ADAD1: variants seen among roughly 807,000 people sequenced by gnomAD.
ADAD1 encodes adenosine deaminase domain-containing protein 1.
In ADAD1, 46 loss-of-function variants were observed where a neutral mutation model predicts 66.8. The observed-to-expected ratio is 0.69, with a 90% CI of 0.54 to 0.88. The LOEUF (loss-of-function observed/expected upper bound fraction) is 0.88. ADAD1 is among the 40% of genes least tolerant of loss of function. ADAD1 has a pLI of 0.00. For synonymous variants in ADAD1, 248 were observed against 229.4 expected (o/e 1.08, Z -0.73); for missense variants, 617 against 681.8 (o/e 0.91, Z 1.06).
intron 7 of ADAD1, among the ~76,000 whole-genome samples, chr4:122,401,500 TCTG>T (rs1407894572): frequency 3.9e-5 from 6 of 152,284 alleles, no homozygotes; most frequent in Middle Eastern, 3.4e-3. Context: ...TCTGTAAATA[TCTG>T]CTAAGTTCAT....
intron 7 of ADAD1, among the ~76,000 whole-genome samples, chr4:122,400,647 T>G (rs564798077): frequency 1.3e-5 from 2 of 152,044 alleles, no homozygotes; most frequent in Non-Finnish European, 2.9e-5. Flanking sequence ...ACTTTTTTGT[T>G]GGGATTTTTT....
chr4:122,414,275 TG>T (rs35990460), intron 10 of ADAD1, among the ~76,000 whole-genome samples: 5,446 of 93,224 alleles, frequency 0.058, 444 homozygotes, highest in East Asian at 0.27. Flanking sequence ...TCTTTTTTTT[TG>T]GGGGGGGGGG....
chr4:122,427,678 G>A (rs207465029), intron 12 of ADAD1, among the ~76,000 whole-genome samples: 2 of 151,660 alleles, frequency 1.3e-5, no homozygotes, highest in South Asian at 4.2e-4. Context: ...GGCATTACAG[G>A]CACCCGCCAC....
At position 122,412,786 on chromosome 4, in the gene ADAD1, T is replaced by C; in HGVS notation, c.1226T>C (p.Val409Ala). 6.2e-7 allele frequency: 1 copy of C among 1,613,788 alleles called. No homozygotes were observed. Among genetic ancestry groups the C allele is most frequent in the African/African-American group, 1.3e-5 (1 of 75,060 alleles). ...GALLSHFIQP[V>A]YISSILIGDG... is the part of the protein sequence containing the mutation. ...TTGCTGAGTCATTTTATACAGCCAGTTTACATCAGCAGTATACTTATTGGT... is the reference window on the plus strand; with the variant it reads ...TTGCTGAGTCATTTTATACAGCCAGCTTACATCAGCAGTATACTTATTGGT... Residue 409 changes from valine to alanine, a missense_variant, in exon 10 of 13, where the codon GTT becomes GCT. Val to Ala is a moderately conservative substitution (Grantham distance 64, BLOSUM62 0). Coordinates refer to ENST00000296513, the MANE Select transcript of ADAD1 (RefSeq NM_139243.4).
chr4:122,417,749 T>G (rs1310524264), intron 11 of ADAD1, among the ~76,000 whole-genome samples: 1 of 152,220 alleles, frequency 6.6e-6, no homozygotes, highest in Non-Finnish European at 1.5e-5. Flanking sequence ...GCTGACTGTG[T>G]GTTAAACGAC....
chr4:122,397,748 T>C (rs1272651760), intron 7 of ADAD1, among the ~76,000 whole-genome samples: 1 of 152,084 alleles, frequency 6.6e-6, no homozygotes, highest in Non-Finnish European at 1.5e-5. Context: ...GTGACATGAA[T>C]AAAAAGTAAT....
At chr4:122,379,814 C>G in intron 2 of ADAD1, 1 of 386,138 alleles carries the variant, frequency 2.6e-6, no homozygotes, top group Non-Finnish European at 4.6e-6. Context: ...TTACAGGGAC[C>G]TCTCTCTGTT....
intron 11 of ADAD1, among the ~76,000 whole-genome samples, chr4:122,420,044 TGA>T (rs1019758970): frequency 1.3e-5 from 2 of 152,038 alleles, no homozygotes; most frequent in Admixed American, 6.6e-5. Flanking sequence ...ACAAGGGAAA[TGA>T]GAGAGAGAAA....
At chr4:122,420,004 G>A (rs7684187) in intron 11 of ADAD1, among the ~76,000 whole-genome samples, 115,111 of 152,090 alleles carry the variant, frequency 0.76, 43,739 homozygotes, top group East Asian at 0.86. Flanking sequence ...CTGTTACTCA[G>A]CATTTTACTG....
At chr4:122,381,499 T>C (rs2150525754) in intron 4 of ADAD1, among the ~76,000 whole-genome samples, 1 of 152,336 alleles carries the variant, frequency 6.6e-6, no homozygotes, top group East Asian at 1.9e-4. Flanking sequence ...GTTAAATATT[T>C]GGACTATGAT....
At chr4:122,408,105 C>T (rs1796299831) in intron 8 of ADAD1, 74 bp downstream of exon 8, 7 of 1,426,396 alleles carry the variant, frequency 4.9e-6, no homozygotes. Context: ...TAAATGTCTT[C>T]ATTTACAAAT....
intron 5 of ADAD1, 107 bp from the exon 6 acceptor site, chr4:122,393,482 C>CG (rs1795551191): frequency 3.1e-6 from 3 of 953,834 alleles, no homozygotes; most frequent in East Asian, 2.7e-5. Flanking sequence ...GGCAAAAATA[C>CG]GGAAAAAAAA....
rs79828960 is a variant in ADAD1 at position 122,418,752 on chromosome 4, G to A, written c.1488-2509G>A. Among the ~76,000 whole-genome samples, 21 of 152,250 alleles carry A rather than the reference G, an allele frequency of 1.4e-4. No homozygotes were observed. The East Asian group carries it at 4.1e-3, about 29-fold the overall frequency. On this transcript the variant is annotated intron_variant, in intron 11 of 12. Transcript: ENST00000296513. ...CCACTGCTATCCAAAAAGATGGAAAGCATCCAAATACTTTTATGAAACAAG... is the reference window on the plus strand; with the variant it reads ...CCACTGCTATCCAAAAAGATGGAAAACATCCAAATACTTTTATGAAACAAG...
chr4:122,418,140 A>G (rs920598191), intron 11 of ADAD1, among the ~76,000 whole-genome samples: 3 of 152,090 alleles, frequency 2.0e-5, no homozygotes, highest in Non-Finnish European at 4.4e-5. Flanking sequence ...CATATAAAAT[A>G]ATAGATAAGG....
At chr4:122,416,054 C>A (rs1038302225) in intron 11 of ADAD1, among the ~76,000 whole-genome samples, 1 of 151,882 alleles carries the variant, frequency 6.6e-6, no homozygotes, top group Non-Finnish European at 1.5e-5. Flanking sequence ...ACTTATGTAC[C>A]CTTACGTGTA....
rs565075554 is a variant in ADAD1, at chr4:122,402,055, G to T, written c.724+5678G>T. On this transcript the variant is annotated intron_variant, in intron 7 of 12. Coordinates refer to ENST00000296513, the MANE Select transcript of ADAD1 (RefSeq NM_139243.4). ...AGTAGTTGTTGCCTGAATACCTTGG[G>T]TGTTTTTTTTTTAATTGTGTTATTG... 2.9e-5 allele frequency among the ~76,000 whole-genome samples: 4 copies of T among 140,066 alleles called. No individual in the cohort carries two copies. The South Asian group carries it at 8.6e-4, about 30-fold the overall frequency. The allele number at this position is 140,066 out of a possible 152,430, so 91.9% of individuals were successfully genotyped here.
rs373693206 is a variant in ADAD1, at chr4:122,415,632, T to A, written c.1487+16T>A. The A allele has an allele frequency of 1.8e-5, 28 of 1,598,796 alleles. No individual in the cohort carries two copies. Among genetic ancestry groups the A allele is most frequent in the Non-Finnish European group, 2.4e-5 (28 of 1,167,054 alleles). On this transcript the variant is annotated intron_variant, in intron 11 of 12. Transcript: ENST00000296513. ...TCACTGAAAGGTTAAAATTACTAAT[T>A]TCTTTAAACCATATATTACTTAAGC...
At chr4:122,393,232 T>G (rs1028760218) in intron 5 of ADAD1, among the ~76,000 whole-genome samples, 1 of 152,126 alleles carries the variant, frequency 6.6e-6, no homozygotes, top group African/African-American at 2.4e-5. Flanking sequence ...TTTTACTCAT[T>G]AATTTTTAAT....
intron 4 of ADAD1, among the ~76,000 whole-genome samples, 181 bp downstream of exon 4, chr4:122,381,361 A>T: frequency 6.6e-6 from 1 of 152,336 alleles, no homozygotes; most frequent in Non-Finnish European, 1.5e-5. Context: ...AATAACTCAC[A>T]TATACCAAAG....
Sources: gnomAD v4.1 joint callset for allele counts (sites outside exome capture counted in the v4.1 genomes callset) on GRCh38, gnomAD v4.1.1 for gene constraint, MANE v1.5 for transcripts, NCBI Gene and HGNC (gene_info 2026-07-23, HGNC 2026-07-21) for gene names.